Variants in ARHGEF10 observed in about 807,000 individuals in gnomAD.
ARHGEF10 encodes the protein Rho guanine nucleotide exchange factor (GEF) 10.
Under a neutral mutation model 147.4 loss-of-function variants are expected in ARHGEF10, and 140 were observed. That is an observed-to-expected ratio of 0.95 (90% CI 0.83 to 1.09). ARHGEF10 has a LOEUF of 1.09. Ranked by LOEUF, ARHGEF10 falls within the 50% of genes least tolerant of loss-of-function variation. The pLI, the probability that ARHGEF10 is intolerant of heterozygous loss-of-function variation, is 0.00. For synonymous variants in ARHGEF10, 902 were observed against 695.8 expected, an observed-to-expected ratio of 1.30 and a Z score of -4.67; for missense variants, 2,222 against 1,752.7, an observed-to-expected ratio of 1.27 and a Z score of -4.78.
rs190448253 is a variant in ARHGEF10 at position 1,835,222 on chromosome 8, G to A, written c.-47-8131G>A. On this transcript the variant is annotated intron_variant, in intron 1 of 28. Coordinates refer to ENST00000349830, the MANE Select transcript of ARHGEF10 (RefSeq NM_014629.4). ...GGAAACCGACCAGGGGGCCCAGGAT[G>A]CTCGAGGCCCGAGTGCCGGACAGGG... is the stretch of plus-strand genomic sequence containing the variant. Among the ~76,000 whole-genome samples, 607 of 152,350 alleles carry A rather than the reference G, an allele frequency of 4.0e-3. 6 individuals are homozygous for A. Among genetic ancestry groups the A allele is most frequent in the African/African-American group, 0.014 (585 of 41,588 alleles).
At chr8:1,946,486 G>A (rs1301400073) in intron 27 of ARHGEF10, among the ~76,000 whole-genome samples, 1 of 152,198 alleles carries the variant, frequency 6.6e-6, no homozygotes, top group African/African-American at 2.4e-5. Context: ...CTGCTTTGCA[G>A]TTGGTGCCTT....
At chr8:1,872,273 T>TA (rs1357902737) in intron 7 of ARHGEF10, among the ~76,000 whole-genome samples, 1 of 152,236 alleles carries the variant, frequency 6.6e-6, no homozygotes, top group Non-Finnish European at 1.5e-5. Flanking sequence ...ATGGTTTGCT[T>TA]AACTACTGTG....
At chr8:1,913,350 G>C (rs1055428642) in intron 18 of ARHGEF10, among the ~76,000 whole-genome samples, 4 of 152,170 alleles carry the variant, frequency 2.6e-5, no homozygotes, top group Admixed American at 6.5e-5. Context: ...CAGTGTACAG[G>C]TGAAGTTCTT....
intron 11 of ARHGEF10, among the ~76,000 whole-genome samples, chr8:1,889,764 T>C (rs575901247): frequency 7.7e-6 from 1 of 129,462 alleles, no homozygotes; most frequent in East Asian, 2.4e-4. Flanking sequence ...ATGAGGGTTG[T>C]GAGGAGACAC....
chr8:1,922,712 A>G (rs370824688), intron 18 of ARHGEF10, among the ~76,000 whole-genome samples: 1 of 152,190 alleles, frequency 6.6e-6, no homozygotes. Context: ...GTCAGATGTT[A>G]TCCTCTGAGG....
intron 2 of ARHGEF10, among the ~76,000 whole-genome samples, chr8:1,847,701 T>C (rs1804667944): frequency 6.6e-6 from 1 of 152,170 alleles, no homozygotes; most frequent in Non-Finnish European, 1.5e-5. Flanking sequence ...TGGTTATGAA[T>C]AGCCTCTTGT....
In ARHGEF10 at chr8:1,866,507, A is replaced by G. The variant is rs780027972; in HGVS notation, c.546-19A>G. 6.2e-7 allele frequency: 1 copy of G among 1,611,788 alleles called. No homozygotes were observed. ...GGCTGTGCCTGGATATTCTGACTTT[A>G]TGGTTTGTTTTCTTTAAGTGAAGAT... is the stretch of plus-strand genomic sequence containing the variant. On this transcript the variant is annotated intron_variant, in intron 5 of 28. Transcript: ENST00000349830.
intron 14 of ARHGEF10, 145 bp downstream of exon 14, chr8:1,896,594 A>G (rs1809994672): frequency 1.4e-6 from 1 of 720,910 alleles, no homozygotes; most frequent in Non-Finnish European, 2.4e-6. Flanking sequence ...AGAAATGAAG[A>G]TGAATTTTAG....
chr8:1,834,573 C>T (rs1459436377), intron 1 of ARHGEF10, among the ~76,000 whole-genome samples: 1 of 152,200 alleles, frequency 6.6e-6, no homozygotes, highest in Non-Finnish European at 1.5e-5. Context: ...GGTCTTTCCT[C>T]CCTCCTTCCC....
At chr8:1,921,044 C>T (rs1812248840) in intron 18 of ARHGEF10, among the ~76,000 whole-genome samples, 1 of 152,154 alleles carries the variant, frequency 6.6e-6, no homozygotes, top group South Asian at 2.1e-4. Flanking sequence ...CCTTGGTCTC[C>T]CAAAGCACTG....
intron 2 of ARHGEF10, 34 bp from the exon 3 acceptor site, chr8:1,857,926 C>G (rs976960709): frequency 1.3e-6 from 2 of 1,522,432 alleles, no homozygotes; most frequent in Admixed American, 1.7e-5. Context: ...ATCTATCTAT[C>G]TCTCCTTGAT....
At chr8:1,956,147 G>T (rs974469873) in intron 28 of ARHGEF10, among the ~76,000 whole-genome samples, 1 of 152,168 alleles carries the variant, frequency 6.6e-6, no homozygotes, top group Non-Finnish European at 1.5e-5. Context: ...ATCAGTGTGG[G>T]GGTTGCGGGG....
At chr8:1,826,099 C>T in intron 1 of ARHGEF10, 1 of 1,594,168 alleles carries the variant, frequency 6.3e-7, no homozygotes, top group Non-Finnish European at 8.5e-7. Context: ...ATGCATAACT[C>T]TTTATAGACA....
chr8:1,861,066 C>T (rs1027244589), intron 4 of ARHGEF10, among the ~76,000 whole-genome samples: 15 of 152,322 alleles, frequency 9.8e-5, no homozygotes, highest in South Asian at 2.1e-4. Context: ...GGACATGCTC[C>T]GAGCGAGGAC....
intron 10 of ARHGEF10, among the ~76,000 whole-genome samples, chr8:1,883,390 G>T (rs1421007643): frequency 6.6e-6 from 1 of 152,114 alleles, no homozygotes; most frequent in Non-Finnish European, 1.5e-5. Context: ...TCATACAGGG[G>T]TCGCTGTGAC....
intron 14 of ARHGEF10, among the ~76,000 whole-genome samples, chr8:1,897,447 ACT>A (rs1218470268): frequency 1.4e-5 from 2 of 138,710 alleles, no homozygotes; most frequent in African/African-American, 5.8e-5. Flanking sequence ...CGCAGTTCCC[ACT>A]CTCGACAGTT....
chr8:1,838,522 C>T (rs749817316), intron 1 of ARHGEF10, among the ~76,000 whole-genome samples: 3 of 152,266 alleles, frequency 2.0e-5, no homozygotes, highest in African/African-American at 4.8e-5. Flanking sequence ...GTGTGCACGC[C>T]GGAGGCAGTC....
In ARHGEF10 at chr8:1,854,709, C is replaced by G. The variant is rs139007969; in HGVS notation, c.38-3251C>G. 2.9e-3 allele frequency among the ~76,000 whole-genome samples: 445 copies of G among 152,286 alleles called. 1 individual carries two copies. Among genetic ancestry groups the G allele is most frequent in the African/African-American group, 9.3e-3 (386 of 41,554 alleles). On this transcript the variant is annotated intron_variant, in intron 2 of 28. Transcript: ENST00000349830. Reference sequence around the variant, plus strand: ...ATAGTAGAATTCTACTTAAATTTTACTAGGGGAAAAAGTGAGTTATTTTGG... The same window carrying G: ...ATAGTAGAATTCTACTTAAATTTTAGTAGGGGAAAAAGTGAGTTATTTTGG...
intron 18 of ARHGEF10, among the ~76,000 whole-genome samples, chr8:1,920,847 T>C (rs1055329316): frequency 2.7e-5 from 4 of 149,278 alleles, no homozygotes; most frequent in South Asian, 4.2e-4. Flanking sequence ...TGCAATGGCA[T>C]GATCTTGGCT....
Sources: gnomAD v4.1 joint callset for allele counts (sites outside exome capture counted in the v4.1 genomes callset) on GRCh38, gnomAD v4.1.1 for gene constraint, MANE v1.5 for transcripts, NCBI Gene and HGNC (gene_info 2026-07-23, HGNC 2026-07-21) for gene names.